DGLUCY: variants seen among roughly 807,000 people sequenced by gnomAD.
DGLUCY encodes D-glutamate cyclase, also known as D-glutamate cyclase, mitochondrial.
DGLUCY carries 58 observed loss-of-function variants against 58.5 expected under a neutral mutation model. The observed-to-expected ratio is 0.99, with a 90% CI of 0.80 to 1.23. The LOEUF (loss-of-function observed/expected upper bound fraction) is 1.23, where lower values mean the gene tolerates loss of function less well. Among genes scored for constraint, DGLUCY ranks in the 50% most tolerant of loss-of-function variants. The probability of loss-of-function intolerance (pLI) is 0.00; values close to 1 mark genes in which losing one functional copy is unlikely to be tolerated. For synonymous variants in DGLUCY, 325 were observed against 314.1 expected (o/e 1.03, Z -0.37); for missense variants, 779 against 784.7 (o/e 0.99, Z 0.09).
rs181036758 is a variant in DGLUCY at position 91,137,609 on chromosome 14, A to G, written c.-81-20030A>G. Reference sequence around the variant, plus strand: ...ACGGGGTTTCACCATGTTGGCCAGGATGGTCTTGATCTCCTGACCTCATGA... The same window carrying G: ...ACGGGGTTTCACCATGTTGGCCAGGGTGGTCTTGATCTCCTGACCTCATGA... On this transcript the variant is annotated intron_variant, in intron 1 of 13. Coordinates refer to ENST00000256324, the MANE Select transcript of DGLUCY (RefSeq NM_001102368.3). 4.6e-4 allele frequency among the ~76,000 whole-genome samples: 69 copies of G among 148,654 alleles called. 1 individual carries two copies. Among genetic ancestry groups the G allele is most frequent in the Admixed American group, 9.5e-4 (14 of 14,778 alleles).
intron 1 of DGLUCY, among the ~76,000 whole-genome samples, chr14:91,090,032 C>G (rs2044284627): frequency 6.6e-6 from 1 of 152,166 alleles, no homozygotes; most frequent in Non-Finnish European, 1.5e-5. Flanking sequence ...TCCACCTCTA[C>G]TGAGGTGCAC....
At chr14:91,143,312 G>T (rs923721686) in intron 1 of DGLUCY, among the ~76,000 whole-genome samples, 2 of 151,878 alleles carry the variant, frequency 1.3e-5, no homozygotes, top group African/African-American at 4.8e-5. Flanking sequence ...AGCCAGGATG[G>T]TCTTCATCTC....
chr14:91,187,385 C>T (rs1054800613), intron 8 of DGLUCY, among the ~76,000 whole-genome samples: 6 of 152,224 alleles, frequency 3.9e-5, no homozygotes, highest in African/African-American at 1.4e-4. Context: ...ATTTCAGCCA[C>T]CGCCAGAGTA....
intron 1 of DGLUCY, among the ~76,000 whole-genome samples, chr14:91,087,312 AC>A (rs1233768835): frequency 6.6e-6 from 1 of 151,152 alleles, no homozygotes; most frequent in Non-Finnish European, 1.5e-5. Flanking sequence ...GCCCTACAGA[AC>A]CCCCCCTGTC....
upstream of DGLUCY, among the ~76,000 whole-genome samples, chr14:91,111,933 T>G (rs955622556): frequency 6.6e-6 from 1 of 152,196 alleles, no homozygotes; most frequent in African/African-American, 2.4e-5. Context: ...ACCTTTTGGC[T>G]CTTGTCTAAT....
chr14:91,181,266 C>G lies in DGLUCY; in HGVS notation c.811C>G (p.Leu271Val). The G allele has an allele frequency of 1.9e-6, 3 of 1,614,178 alleles. No individual in the cohort carries two copies. Among genetic ancestry groups the G allele is most frequent in the Non-Finnish European group, 2.5e-6 (3 of 1,180,020 alleles). Reference sequence around the variant, plus strand: ...GGATGCAAAGGCTCCACCTGGTTGTCTCACCCCAGAGAGAATTCCAGAGGT... The same window carrying G: ...GGATGCAAAGGCTCCACCTGGTTGTGTCACCCCAGAGAGAATTCCAGAGGT... ...LKDAKAPPGCLTPERIPEVHH... is the reference protein window; with the variant it reads ...LKDAKAPPGCVTPERIPEVHH... The change falls in exon 8 of 14, where the codon CTC becomes GTC. Residue 271 changes from leucine to valine, a missense_variant. Physicochemically the swap from Leu to Val is conservative, Grantham distance 32 (BLOSUM62 1). Coordinates refer to ENST00000256324, the MANE Select transcript of DGLUCY (RefSeq NM_001102368.3).
intron 1 of DGLUCY, among the ~76,000 whole-genome samples, chr14:91,093,612 C>G (rs931054188): frequency 1.3e-5 from 2 of 152,012 alleles, no homozygotes; most frequent in Admixed American, 1.3e-4. Flanking sequence ...TTGAGACCAG[C>G]TGGCCAACAT....
At position 91,215,410 on chromosome 14, in the gene DGLUCY, T is replaced by G; in HGVS notation, c.1570T>G (p.Ser524Ala). 4 of 1,603,892 alleles carry G rather than the reference T, an allele frequency of 2.5e-6. No individual in the cohort carries two copies. The highest frequency in any genetic ancestry group is 3.4e-6 in the Non-Finnish European group (4 of 1,172,904). ...EADFAVIAGV[S>A]NWGGYALACA... ...ATCTTGTTTTGCTGTTCTAGGTGTTTCTAACTGGGGAGGCTATGCCCTGGC... is the reference window on the plus strand; with the variant it reads ...ATCTTGTTTTGCTGTTCTAGGTGTTGCTAACTGGGGAGGCTATGCCCTGGC... The change falls in exon 13 of 14, where the codon TCT becomes GCT. Residue 524 changes from serine to alanine, a missense_variant. Ser to Ala is a moderately conservative substitution (Grantham distance 99). Transcript: ENST00000256324.
chr14:91,092,385 G>A (rs139494329), intron 1 of DGLUCY, among the ~76,000 whole-genome samples: 62 of 152,280 alleles, frequency 4.1e-4, no homozygotes, highest in African/African-American at 1.4e-3. Flanking sequence ...GAGTTGAATC[G>A]TTTTGGTTTC....
At chr14:91,218,220 G>GA (rs1207666360) in intron 13 of DGLUCY, among the ~76,000 whole-genome samples, 2 of 151,906 alleles carry the variant, frequency 1.3e-5, no homozygotes, top group African/African-American at 2.4e-5. Context: ...ATCTGAACTG[G>GA]AAAAAAACAT....
intron 1 of DGLUCY, among the ~76,000 whole-genome samples, chr14:91,093,281 GGATGT>G (rs968716716): frequency 6.6e-6 from 1 of 152,074 alleles, no homozygotes; most frequent in Non-Finnish European, 1.5e-5. Flanking sequence ...AACCCTTACA[GGATGT>G]GATGAAGTAT....
At chr14:91,124,884 A>G (rs1391769109) in intron 1 of DGLUCY, among the ~76,000 whole-genome samples, 4 of 152,230 alleles carry the variant, frequency 2.6e-5, no homozygotes, top group South Asian at 2.1e-4. Flanking sequence ...AGCTCCCACA[A>G]TTTAGCCTGA....
intron 6 of DGLUCY, 121 bp downstream of exon 6, chr14:91,173,560 C>A: frequency 7.6e-7 from 1 of 1,321,702 alleles, no homozygotes; most frequent in Non-Finnish European, 1.0e-6. Flanking sequence ...GTGTCTCTCG[C>A]TCCTGCCCAT....
At chr14:91,167,150 A>G (rs1352497248) in intron 3 of DGLUCY, 75 bp from the exon 4 acceptor site, 16 of 1,498,598 alleles carry the variant, frequency 1.1e-5, no homozygotes, top group Non-Finnish European at 1.4e-5. Context: ...AAAAAAAAAA[A>G]AAAGAAAGAA....
At chr14:91,066,066 T>C (rs2140017504) in intron 1 of DGLUCY, among the ~76,000 whole-genome samples, 1 of 152,298 alleles carries the variant, frequency 6.6e-6, no homozygotes, top group East Asian at 1.9e-4. Context: ...CTTGAAAATA[T>C]GTTTCTTCCT....
chr14:91,127,951 A>G (rs1489294649), intron 1 of DGLUCY, among the ~76,000 whole-genome samples: 1 of 150,018 alleles, frequency 6.7e-6, no homozygotes, highest in African/African-American at 2.5e-5. Context: ...AGTCCTACCA[A>G]TTTCCAGCCT....
chr14:91,176,926 TTTCC>T (rs200958536), intron 7 of DGLUCY, among the ~76,000 whole-genome samples: 8 of 147,340 alleles, frequency 5.4e-5, no homozygotes, highest in African/African-American at 2.2e-4. Flanking sequence ...ATTAAATATA[TTTCC>T]TTCCTTCCTT....
intron 1 of DGLUCY, among the ~76,000 whole-genome samples, chr14:91,062,295 C>CCAG (rs2043712317): frequency 6.6e-6 from 1 of 151,386 alleles, no homozygotes; most frequent in Admixed American, 6.6e-5. Context: ...ACCTGTAAGC[C>CCAG]CAGCACTGTG....
At chr14:91,163,720 C>T (rs945645426) in intron 3 of DGLUCY, among the ~76,000 whole-genome samples, 2 of 152,132 alleles carry the variant, frequency 1.3e-5, no homozygotes, top group African/African-American at 4.8e-5. Context: ...CTGGCTGTGC[C>T]GTGCAGCAGC....
Sources: allele counts gnomAD v4.1 joint callset (sites outside exome capture counted in the v4.1 genomes callset), GRCh38; gene constraint gnomAD v4.1.1; transcripts MANE v1.5; gene names NCBI Gene and HGNC (gene_info 2026-07-23, HGNC 2026-07-21).